The following C3orf20 variants were observed in gnomAD, a reference collection of about 807,000 sequenced individuals.
The protein encoded by C3orf20 is uncharacterized protein C3orf20.
A neutral mutation model predicts 88.3 loss-of-function variants in C3orf20; 76 were observed. That is an observed-to-expected ratio of 0.86 (90% CI 0.72 to 1.04). C3orf20 has a LOEUF of 1.04. Ranked by LOEUF, C3orf20 falls within the 50% of genes least tolerant of loss-of-function variation. The pLI is 0.00. For missense variants in C3orf20, 1,056 were observed against 1,123.3 expected (o/e 0.94, Z 0.86); for synonymous variants, 436 against 437.4 (o/e 1.00, Z 0.04).
chr3:14,721,821 C>A, intron 10 of C3orf20, 37 bp downstream of exon 10: 1 of 1,610,410 alleles, frequency 6.2e-7, no homozygotes, highest in East Asian at 2.2e-5. Context: ...GCCCTGACCC[C>A]TGGGCATCTC....
chr3:14,772,299 T>C lies in C3orf20; in HGVS notation c.2630+98T>C. On this transcript the variant is annotated intron_variant, in intron 16 of 16. Transcript: ENST00000253697. This position sits in a 1 kb window ranked among gnomAD's most constrained non-coding sequence, Gnocchi z 4.2. ...CAAGTCACTACCCCCAGGCGTGGCCTGGGTCATGTCCAACCATCGCTGACA... is the reference window on the plus strand; with the variant it reads ...CAAGTCACTACCCCCAGGCGTGGCCCGGGTCATGTCCAACCATCGCTGACA... The C allele has an allele frequency of 3.4e-6, 5 of 1,488,908 alleles. No homozygotes were observed. Among genetic ancestry groups the C allele is most frequent in the Non-Finnish European group, 4.6e-6 (5 of 1,080,324 alleles). The allele number at this position is 1,488,908 out of a possible 1,614,324, so 92.2% of individuals were successfully genotyped here.
chr3:14,772,115 A>G lies in C3orf20; in HGVS notation c.2544A>G (p.Lys848=). 6.2e-7 allele frequency: 1 copy of G among 1,614,234 alleles called. No homozygotes were observed. The highest frequency in any genetic ancestry group is 8.5e-7 in the Non-Finnish European group (1 of 1,180,032). ...TGGAGGATTCTGAATCAGTCAAGAAAGCCGAGTCAGAAGATATCCAAGGAA... is the reference window on the plus strand; with the variant it reads ...TGGAGGATTCTGAATCAGTCAAGAAGGCCGAGTCAGAAGATATCCAAGGAA... ...LSLEDSESVK[K]AESEDIQGSS... Residue 848 remains lysine, a synonymous_variant, in exon 16 of 17, where the codon AAA becomes AAG. Coordinates refer to ENST00000253697, the MANE Select transcript of C3orf20 (RefSeq NM_032137.5). The surrounding 1 kb of genome is among the most constrained non-coding windows in gnomAD (Gnocchi z 4.2).
intron 9 of C3orf20, among the ~76,000 whole-genome samples, chr3:14,718,725 T>C (rs536001905): frequency 6.6e-6 from 1 of 152,384 alleles, no homozygotes; most frequent in Admixed American, 6.5e-5. Context: ...TTGGTTAGAC[T>C]GAAACCACAA....
intron 7 of C3orf20, 56 bp from the exon 8 acceptor site, chr3:14,713,951 A>C: frequency 6.2e-7 from 1 of 1,601,422 alleles, no homozygotes; most frequent in East Asian, 2.2e-5. Flanking sequence ...CAATGGGACA[A>C]CTGAGAGCAG....
intron 7 of C3orf20, among the ~76,000 whole-genome samples, chr3:14,705,615 A>G (rs1055929671): frequency 1.2e-4 from 18 of 152,164 alleles, no homozygotes; most frequent in African/African-American, 1.9e-4. Context: ...CTTGTACCCT[A>G]TGTTCTTTGT....
chr3:14,763,538 A>G lies in C3orf20; in HGVS notation c.2495+1923A>G, dbSNP rs141355634. On this transcript the variant is annotated intron_variant, in intron 15 of 16. Coordinates refer to ENST00000253697, the MANE Select transcript of C3orf20 (RefSeq NM_032137.5). ...TAGGGATGAGGATTTCAGCATATCA[A>G]TTTGGGGGGACATAGACGTTCAGAC... 7.1e-4 allele frequency among the ~76,000 whole-genome samples: 108 copies of G among 152,266 alleles called. 1 individual carries two copies. Among genetic ancestry groups the G allele is most frequent in the African/African-American group, 1.1e-3 (44 of 41,540 alleles).
At chr3:14,754,779 C>T (rs1203261726) in intron 12 of C3orf20, among the ~76,000 whole-genome samples, 1 of 152,062 alleles carries the variant, frequency 6.6e-6, no homozygotes, top group African/African-American at 2.4e-5. Flanking sequence ...GGCTGGAGTG[C>T]ATTGGTGTGA....
chr3:14,766,233 C>T (rs2035698583), intron 15 of C3orf20, among the ~76,000 whole-genome samples: 4 of 152,218 alleles, frequency 2.6e-5, no homozygotes, highest in African/African-American at 9.6e-5. Flanking sequence ...CAGGGCAGCC[C>T]TGTGCGGGGC....
In C3orf20 at chr3:14,683,169, G is replaced by C; in HGVS notation, c.456G>C (p.Lys152Asn). The C allele has an allele frequency of 2.5e-6, 4 of 1,604,100 alleles. No individual in the cohort carries two copies. Among genetic ancestry groups the C allele is most frequent in the Middle Eastern group, 1.7e-4 (1 of 5,970 alleles). ...IHLLTELLRLKMKAMVESMSV... is the reference protein window; with the variant it reads ...IHLLTELLRLNMKAMVESMSV... ...TGCTGACGGAGCTCCTCAGACTGAA[G>C]ATGAAGGCCATGGTGGAGTCTATGT... The change falls in exon 3 of 17, where the codon AAG (lysine) becomes AAC (asparagine). Residue 152 changes from lysine (K) to asparagine (N), a missense_variant. By Grantham distance (94) the Lys-to-Asn change is moderately conservative (BLOSUM62 0). Coordinates refer to ENST00000253697, the MANE Select transcript of C3orf20 (RefSeq NM_032137.5).
At chr3:14,690,796 G>A (rs1287512197) in intron 5 of C3orf20, among the ~76,000 whole-genome samples, 2 of 152,220 alleles carry the variant, frequency 1.3e-5, no homozygotes, top group Non-Finnish European at 2.9e-5. Flanking sequence ...GTGGGGACAG[G>A]GTAGGTAGGA....
chr3:14,754,115 C>T (rs959214671), intron 12 of C3orf20, among the ~76,000 whole-genome samples: 1 of 152,206 alleles, frequency 6.6e-6, no homozygotes, highest in Non-Finnish European at 1.5e-5. Flanking sequence ...CTTTCAAAGC[C>T]TTATTCTCCC....
intron 9 of C3orf20, 112 bp from the exon 10 acceptor site, chr3:14,721,541 A>G (rs1290864879): frequency 1.2e-5 from 17 of 1,431,124 alleles, no homozygotes; most frequent in Admixed American, 2.2e-5. Context: ...GAAAGCTCTT[A>G]CAAATCTTCT....
chr3:14,746,760 T>C (rs1323267769), intron 12 of C3orf20, among the ~76,000 whole-genome samples: 1 of 152,212 alleles, frequency 6.6e-6, no homozygotes, highest in East Asian at 1.9e-4. Context: ...GAGTTTGTCA[T>C]TGAGTTCTGT....
chr3:14,720,074 G>A (rs1362390774), intron 9 of C3orf20, among the ~76,000 whole-genome samples: 1 of 152,034 alleles, frequency 6.6e-6, no homozygotes. Flanking sequence ...CTGTCGCCTA[G>A]GCTGGAGTGT....
chr3:14,744,061 C>T (rs1283438597), intron 12 of C3orf20, among the ~76,000 whole-genome samples: 1 of 152,028 alleles, frequency 6.6e-6, no homozygotes, highest in Non-Finnish European at 1.5e-5. Context: ...TTGAATTTCT[C>T]CCCAGAAAAT....
At position 14,683,075 on chromosome 3, in the gene C3orf20, C is replaced by G. The variant is rs775778031; in HGVS notation, c.362C>G (p.Pro121Arg). The change falls in exon 3 of 17, where the codon CCC (proline) becomes CGC (arginine). Residue 121 changes from proline (P) to arginine (R), a missense_variant. By Grantham distance (103) the Pro-to-Arg change is moderately radical. Transcript: ENST00000253697. ...GCAGCCAAGCGCTCCACCCTCTCTC[C>G]CACCATGGCCCGTCAGGTGCGCACC... The part of the protein sequence containing the change: ...TGAAKRSTLS[P>R]TMARQVRTHQ... The G allele has an allele frequency of 6.2e-7, 1 of 1,611,918 alleles. No individual in the cohort carries two copies. The highest frequency in any genetic ancestry group is 8.5e-7 in the Non-Finnish European group (1 of 1,178,968).
In C3orf20 at chr3:14,742,012, C is replaced by T. The variant is rs563860720; in HGVS notation, c.1940+13324C>T. On this transcript the variant is annotated intron_variant, in intron 12 of 16. Transcript: ENST00000253697. ...GTCTGATGGAAAGCTGCTTCTACCT[C>T]GTCCCTGCTTTAGCTAATCCTCAGT... Among the ~76,000 whole-genome samples the T allele has an allele frequency of 1.2e-4, 18 of 152,320 alleles. No homozygotes were observed. In the South Asian group the frequency reaches 2.3e-3, roughly 19 times the overall value.
intron 10 of C3orf20, among the ~76,000 whole-genome samples, chr3:14,725,234 A>G (rs2124982222): frequency 6.6e-6 from 1 of 152,278 alleles, no homozygotes; most frequent in South Asian, 2.1e-4. Context: ...GAGGCTTAGA[A>G]AATTAGCTCA....
intron 5 of C3orf20, among the ~76,000 whole-genome samples, chr3:14,696,178 A>G (rs2032990531): frequency 6.7e-6 from 1 of 150,086 alleles, no homozygotes; most frequent in Admixed American, 6.6e-5. Context: ...GGTTACCATG[A>G]GGCTTGCAAA....
Sources: allele counts gnomAD v4.1 joint callset (sites outside exome capture counted in the v4.1 genomes callset), GRCh38; gene constraint gnomAD v4.1.1; non-coding constraint Gnocchi (gnomAD v3.1); transcripts MANE v1.5; gene names NCBI Gene and HGNC (gene_info 2026-07-23, HGNC 2026-07-21).